Variants in KRIT1 observed in about 807,000 individuals in gnomAD.
KRIT1 encodes krev interaction trapped protein 1.
A neutral mutation model predicts 95.8 loss-of-function variants in KRIT1; 45 were observed. That is an observed-to-expected ratio of 0.47 (90% confidence interval 0.37 to 0.60). KRIT1 has a LOEUF of 0.60. Ranked by LOEUF, KRIT1 falls within the 20% of genes least tolerant of loss-of-function variation. The pLI, the probability that KRIT1 is intolerant of heterozygous loss-of-function variation, is 0.00. For missense variants in KRIT1, 788 were observed against 877.5 expected (o/e 0.90, Z 1.29); for synonymous variants, 282 against 278.8 (o/e 1.01, Z -0.11).
chr7:92,236,622 A>G, intron 6 of KRIT1, 80 bp from the exon 7 acceptor site: 5 of 978,410 alleles, frequency 5.1e-6, no homozygotes, highest in Non-Finnish European at 8.0e-6. Context: ...TACATGTTAG[A>G]AAATGAAAAC....
At chr7:92,236,593 G>GC (rs755786568) in intron 6 of KRIT1, 51 bp from the exon 7 acceptor site, 24 of 1,161,184 alleles carry the variant, frequency 2.1e-5, no homozygotes, top group Non-Finnish European at 3.1e-5. Context: ...GTTTACATCT[G>GC]CATGTTTTCA....
rs768956860 is a variant in KRIT1, at chr7:92,237,658, A to T, written c.355+9T>A. ...ATATAAAGATTTGTAAGATACATTT[A>T]GACTTTACCTTTGACAACTGATGGA... On this transcript the variant is annotated intron_variant, in intron 6 of 18. Transcript: ENST00000394505. 1 of 1,511,766 alleles carries T rather than the reference A, an allele frequency of 6.6e-7. No individual in the cohort carries two copies. Among genetic ancestry groups the T allele is most frequent in the Admixed American group, 1.7e-5 (1 of 59,860 alleles). The allele number at this position is 1,511,766 out of a possible 1,614,324, so 93.6% of individuals were successfully genotyped here. A position where few individuals can be genotyped will look rare whatever the true frequency, so the allele number is the denominator to read the frequency against.
chr7:92,220,137 T>C (rs1794833185), intron 14 of KRIT1, among the ~76,000 whole-genome samples: 3 of 152,228 alleles, frequency 2.0e-5, no homozygotes, highest in Admixed American at 6.5e-5. Context: ...TCTTTTACCA[T>C]TGAATATGAT....
At chr7:92,209,444 T>C (rs1792295470) in intron 17 of KRIT1, among the ~76,000 whole-genome samples, 1 of 152,152 alleles carries the variant, frequency 6.6e-6, no homozygotes, top group African/African-American at 2.4e-5. Flanking sequence ...TGACATGATC[T>C]TATATACAGA....
intron 14 of KRIT1, among the ~76,000 whole-genome samples, chr7:92,217,679 C>T (rs907706787): frequency 6.6e-6 from 1 of 152,182 alleles, no homozygotes; most frequent in African/African-American, 2.4e-5. Context: ...TTGATGGACA[C>T]TTAGGGTGCC....
chr7:92,229,759 C>T (rs1796909269), intron 10 of KRIT1, among the ~76,000 whole-genome samples: 1 of 152,048 alleles, frequency 6.6e-6, no homozygotes, highest in Non-Finnish European at 1.5e-5. Context: ...TAATTCCATC[C>T]TTGTTTATCC....
At chr7:92,216,178 G>A (rs1444147257) in intron 14 of KRIT1, among the ~76,000 whole-genome samples, 4 of 144,008 alleles carry the variant, frequency 2.8e-5, no homozygotes, top group South Asian at 2.2e-4. Flanking sequence ...GCAGTGAGCC[G>A]AAATTGCACC....
chr7:92,219,424 A>G (rs887897724), intron 14 of KRIT1, among the ~76,000 whole-genome samples: 2 of 152,218 alleles, frequency 1.3e-5, no homozygotes, highest in African/African-American at 4.8e-5. Flanking sequence ...TGAACCTGGT[A>G]GCCTTGTCAA....
intron 14 of KRIT1, among the ~76,000 whole-genome samples, chr7:92,218,083 TG>T (rs1794356798): frequency 6.6e-6 from 1 of 152,178 alleles, no homozygotes; most frequent in Admixed American, 6.5e-5. Flanking sequence ...GACAGGGTCT[TG>T]CTCTTTCATC....
At chr7:92,204,523 G>C (rs1279787209) in intron 17 of KRIT1, among the ~76,000 whole-genome samples, 1 of 151,766 alleles carries the variant, frequency 6.6e-6, no homozygotes, top group Non-Finnish European at 1.5e-5. Flanking sequence ...AAATCACTGG[G>C]AGCCCTGAGC....
At position 92,200,668 on chromosome 7, in the gene KRIT1, G is replaced by A; in HGVS notation, c.*68C>T. On this transcript the variant is annotated 3_prime_UTR_variant, in exon 19 of 19. Transcript: ENST00000394505. ...TGCTCGGCCAAAAGTAATATTTTAA[G>A]AAATCTTTCACGGAAAAAAAACTCT... 1 of 1,062,274 alleles carries A rather than the reference G, an allele frequency of 9.4e-7. No individual in the cohort carries two copies. Among genetic ancestry groups the A allele is most frequent in the Non-Finnish European group, 1.5e-6 (1 of 680,868 alleles). 65.8% of individuals were successfully genotyped at this position (1,062,274 alleles called of 1,614,324 possible).
At chr7:92,208,373 A>C (rs146800588) in intron 17 of KRIT1, among the ~76,000 whole-genome samples, 374 of 152,006 alleles carry the variant, frequency 2.5e-3, no homozygotes, top group Non-Finnish European at 3.9e-3. Context: ...AAAAGAAAGA[A>C]AGACTTAAAA....
intron 16 of KRIT1, 31 bp from the exon 17 acceptor site, chr7:92,213,432 A>AAC: frequency 6.9e-7 from 1 of 1,452,832 alleles, no homozygotes; most frequent in Admixed American, 1.7e-5. Flanking sequence ...TTAAAAATAA[A>AAC]AGAGATATGA....
chr7:92,234,209 G>A (rs1008363002), intron 10 of KRIT1, among the ~76,000 whole-genome samples: 5 of 152,190 alleles, frequency 3.3e-5, no homozygotes, highest in African/African-American at 1.2e-4. Flanking sequence ...TAGTCATTAA[G>A]TATCCTACTA....
At chr7:92,211,255 G>T (rs1258744883) in intron 17 of KRIT1, among the ~76,000 whole-genome samples, 3 of 152,180 alleles carry the variant, frequency 2.0e-5, no homozygotes, top group Admixed American at 6.5e-5. Flanking sequence ...CAATAGCAAA[G>T]ATATGGAATC....
chr7:92,226,811 G>C lies in KRIT1; in HGVS notation c.990-129C>G, dbSNP rs1563279859. ...AGAAATCTAAGAATTTTCTAGGACAGAGAGCAAAGGATTATTAAGATACTG... is the reference window on the plus strand; with the variant it reads ...AGAAATCTAAGAATTTTCTAGGACACAGAGCAAAGGATTATTAAGATACTG... On this transcript the variant is annotated intron_variant, in intron 10 of 18. Coordinates refer to ENST00000394505, the MANE Select transcript of KRIT1 (RefSeq NM_194454.3). The C allele has an allele frequency of 1.0e-5, 8 of 771,196 alleles. No individual in the cohort carries two copies. The East Asian group carries it at 1.1e-4, about 10-fold the overall frequency. The allele number at this position is 771,196 out of a possible 1,614,324, so 47.8% of individuals were successfully genotyped here.
chr7:92,233,526 C>T (rs577134718), intron 10 of KRIT1, among the ~76,000 whole-genome samples: 2 of 151,942 alleles, frequency 1.3e-5, no homozygotes, highest in East Asian at 3.9e-4. Flanking sequence ...CCTGCCTCAG[C>T]CTCCCAAGTA....
intron 17 of KRIT1, among the ~76,000 whole-genome samples, chr7:92,204,790 G>A (rs1417379737): frequency 6.6e-6 from 1 of 152,028 alleles, no homozygotes; most frequent in Admixed American, 6.6e-5. Context: ...GTGCGGCCCG[G>A]TTCCTTACAG....
rs999955961 is a variant in KRIT1 at position 92,230,969 on chromosome 7, T to C, written c.989+3480A>G. ...TGAAACAAAGAGTACAGATAGCTAA[T>C]ATACAGTGAAGCTCCAAGTGAAATT... is the stretch of plus-strand genomic sequence containing the variant. On this transcript the variant is annotated intron_variant, in intron 10 of 18. Coordinates refer to ENST00000394505, the MANE Select transcript of KRIT1 (RefSeq NM_194454.3). Among the ~76,000 whole-genome samples the C allele has an allele frequency of 2.6e-5, 4 of 152,252 alleles. No homozygotes were observed. In the East Asian group the frequency reaches 5.8e-4, roughly 22 times the overall value.
Sources: allele counts gnomAD v4.1 joint callset (sites outside exome capture counted in the v4.1 genomes callset), GRCh38; gene constraint gnomAD v4.1.1; transcripts MANE v1.5; gene names NCBI Gene and HGNC (gene_info 2026-07-23, HGNC 2026-07-21).